The following CACNA1H variants were observed in gnomAD, a reference collection of about 807,000 sequenced individuals.
CACNA1H encodes calcium voltage-gated channel subunit alpha1 H.
CACNA1H carries 149 observed loss-of-function variants against 192.5 expected under a neutral mutation model. The observed-to-expected ratio is 0.77, with a 90% confidence interval of 0.68 to 0.89. The LOEUF (loss-of-function observed/expected upper bound fraction) is 0.89, where lower values mean the gene tolerates loss of function less well. CACNA1H is among the 40% of genes least tolerant of loss of function. CACNA1H has a pLI of 0.00. For synonymous variants in CACNA1H, 2,202 were observed against 1,475.2 expected (o/e 1.49, Z -11.29); for missense variants, 4,257 against 3,423.5 (o/e 1.24, Z -6.08).
At chr16:1,200,861 G>T in intron 8 of CACNA1H, 53 bp downstream of exon 8, 1 of 1,382,180 alleles carries the variant, frequency 7.2e-7, no homozygotes, top group Non-Finnish European at 1.0e-6. Context: ...TAGCTGGCTG[G>T]GGGTGGGGTG....
chr16:1,213,906 C>T lies in CACNA1H; in HGVS notation c.4904C>T (p.Ser1635Phe), dbSNP rs58146518. The change falls in exon 27 of 35, where the codon TCC becomes TTC. Residue 1635 changes from serine to phenylalanine, a missense_variant. Ser to Phe is a radical substitution (Grantham distance 155). Coordinates refer to ENST00000348261, the MANE Select transcript of CACNA1H (RefSeq NM_021098.3). ...ATCTGTGTCAACGTCATCACCATGT[C>T]CATGGAGCACTATAACCAACCCAAG... ...FIICVNVITM[S>F]MEHYNQPKSL... 2 of 1,611,632 alleles carry T rather than the reference C, an allele frequency of 1.2e-6. No homozygotes were observed. Among genetic ancestry groups the T allele is most frequent in the Non-Finnish European group, 1.7e-6 (2 of 1,179,326 alleles).
chr16:1,189,110 T>C (rs1966352032), intron 2 of CACNA1H, among the ~76,000 whole-genome samples: 1 of 152,188 alleles, frequency 6.6e-6, no homozygotes, highest in Non-Finnish European at 1.5e-5. Context: ...GGGCTGCCTT[T>C]GTTCCAGGGT....
At chr16:1,206,367 C>G (rs894163363) in intron 12 of CACNA1H, 78 bp downstream of exon 12, 2 of 1,400,628 alleles carry the variant, frequency 1.4e-6, no homozygotes, top group African/African-American at 1.4e-5. Flanking sequence ...GGGCACCCCC[C>G]GAAGGAGAAG....
intron 2 of CACNA1H, among the ~76,000 whole-genome samples, chr16:1,182,942 C>T (rs1169287878): frequency 6.6e-6 from 1 of 152,114 alleles, no homozygotes; most frequent in Non-Finnish European, 1.5e-5. Flanking sequence ...GGTCCATGGG[C>T]ACTGCAGGTT....
At position 1,167,199 on chromosome 16, in the gene CACNA1H, G is replaced by A. The variant is rs913541158; in HGVS notation, c.299+13163G>A. 1.3e-5 allele frequency among the ~76,000 whole-genome samples: 2 copies of A among 152,210 alleles called. No individual in the cohort carries two copies. The highest frequency in any genetic ancestry group is 6.5e-5 in the Admixed American group (1 of 15,292). ...GAAATGGCAGCCCCTGACCTGCCCC[G>A]TGGGGATGAAACGGGCTCTTTGCGG... On this transcript the variant is annotated intron_variant, in intron 2 of 34. Coordinates refer to ENST00000348261, the MANE Select transcript of CACNA1H (RefSeq NM_021098.3). This position sits in a 1 kb window ranked among gnomAD's most constrained non-coding sequence, Gnocchi z 4.2.
rs565753880 is a variant in CACNA1H, at chr16:1,172,896, G to A, written c.299+18860G>A. Among the ~76,000 whole-genome samples, 169 of 152,018 alleles carry A rather than the reference G, an allele frequency of 1.1e-3. 1 individual carries two copies. Among genetic ancestry groups the A allele is most frequent in the Middle Eastern group, 3.4e-3 (1 of 294 alleles). ...ATCAGGGCCAGGACAGCCCCGTGGGGACTCTCGCAGTCACTGGCCCTAAGC... is the reference window on the plus strand; with the variant it reads ...ATCAGGGCCAGGACAGCCCCGTGGGAACTCTCGCAGTCACTGGCCCTAAGC... On this transcript the variant is annotated intron_variant, in intron 2 of 34. Coordinates refer to ENST00000348261, the MANE Select transcript of CACNA1H (RefSeq NM_021098.3).
chr16:1,154,200 C>G (rs988622480), intron 2 of CACNA1H, among the ~76,000 whole-genome samples, 164 bp downstream of exon 2: 1 of 151,358 alleles, frequency 6.6e-6, no homozygotes. Context: ...GGACCGCGCT[C>G]TAATTTCTGA....
In CACNA1H at chr16:1,189,684, A is replaced by C. The variant is rs1209810971; in HGVS notation, c.300-5288A>C. Among the ~76,000 whole-genome samples the C allele has an allele frequency of 2.0e-5, 3 of 151,922 alleles. No individual in the cohort carries two copies. In the East Asian group the frequency reaches 5.8e-4, roughly 30 times the overall value. ...ATGATCCTCCTGCCTCAGCCTCCCA[A>C]AGTGCTGGGATTATGGGTGTGAACC... On this transcript the variant is annotated intron_variant, in intron 2 of 34. Transcript: ENST00000348261.
At position 1,209,117 on chromosome 16, in the gene CACNA1H, G is replaced by C; in HGVS notation, c.3449G>C (p.Arg1150Pro). 6.4e-7 allele frequency: 1 copy of C among 1,554,848 alleles called. No individual in the cohort carries two copies. The change falls in exon 17 of 35, where the codon CGT (arginine) becomes CCT (proline). Residue 1150 changes from arginine to proline, a missense_variant. Transcript: ENST00000348261. ...CGCTCCAGCTGGAGCAGCCTGGGCC[G>C]TGCCCCCAGCCTCAAGCGCCGCGGC... ...SRRSSWSSLGRAPSLKRRGQC... is the reference protein window; with the variant it reads ...SRRSSWSSLGPAPSLKRRGQC...
intron 2 of CACNA1H, among the ~76,000 whole-genome samples, chr16:1,166,652 G>C (rs911532642): frequency 6.6e-6 from 1 of 152,068 alleles, no homozygotes; most frequent in African/African-American, 2.4e-5. Context: ...CGTCTCCGAG[G>C]TTGGCCTGTT....
At chr16:1,208,332 G>A (rs1023790555) in intron 16 of CACNA1H, 111 bp downstream of exon 16, 1 of 747,178 alleles carries the variant, frequency 1.3e-6, no homozygotes, top group African/African-American at 1.8e-5. Context: ...CACCCTTGAA[G>A]TCCCAGCCTG....
intron 2 of CACNA1H, among the ~76,000 whole-genome samples, chr16:1,184,876 C>G (rs1256432127): frequency 1.3e-5 from 2 of 149,276 alleles, no homozygotes; most frequent in Non-Finnish European, 3.0e-5. Context: ...AAGTGAGGTT[C>G]ACGTACCATG....
rs1042386180 is a variant in CACNA1H, at chr16:1,201,900, A to G, written c.1450A>G (p.Ser484Gly). 27 of 1,550,706 alleles carry G rather than the reference A, an allele frequency of 1.7e-5. No individual in the cohort carries two copies. The highest frequency in any genetic ancestry group is 2.4e-5 in the Non-Finnish European group (27 of 1,147,236). ...CTTGCGCCTCTACGCCCGCTGGCAG[A>G]GCCGCTGGCGCAAGAAGGTGGACCC... ...RSLRLYARWQ[S>G]RWRKKVDPSA... The change falls in exon 9 of 35, where the codon AGC becomes GGC. Residue 484 changes from serine (S) to glycine (G), a missense_variant. Coordinates refer to ENST00000348261, the MANE Select transcript of CACNA1H (RefSeq NM_021098.3).
chr16:1,207,245 G>C, intron 13 of CACNA1H, 30 bp from the exon 14 acceptor site: 1 of 1,581,020 alleles, frequency 6.3e-7, no homozygotes, highest in Non-Finnish European at 8.6e-7. Flanking sequence ...GGGCTGGGGT[G>C]ACCACCCCAG....
intron 6 of CACNA1H, among the ~76,000 whole-genome samples, chr16:1,199,918 C>G (rs914488224): frequency 6.6e-6 from 1 of 152,110 alleles, no homozygotes. Context: ...TTGGGTCTCC[C>G]TCCCTGTTTG....
intron 2 of CACNA1H, among the ~76,000 whole-genome samples, chr16:1,189,318 G>A (rs1311504699): frequency 6.8e-6 from 1 of 147,384 alleles, no homozygotes; most frequent in East Asian, 2.1e-4. Context: ...CAGCCCCTCA[G>A]AAGTGCACAG....
Position 1,178,211 on chromosome 16 carries a change from G to A in CACNA1H, c.300-16761G>A, listed in dbSNP as rs569233181. Among the ~76,000 whole-genome samples, 594 of 102,534 alleles carry A rather than the reference G, an allele frequency of 5.8e-3. 7 individuals are homozygous for A. Among genetic ancestry groups the A allele is most frequent in the African/African-American group, 0.02 (533 of 26,138 alleles). 67.3% of individuals were successfully genotyped at this position (102,534 alleles called of 152,430 possible). A position where few individuals can be genotyped will look rare whatever the true frequency, so the allele number is the denominator to read the frequency against. On this transcript the variant is annotated intron_variant, in intron 2 of 34. Transcript: ENST00000348261. ...CATGGGGCACCTCATGGTCCCTCCCGGCTCTGCCTGGGATCCCCCAACGGG... is the reference window on the plus strand; with the variant it reads ...CATGGGGCACCTCATGGTCCCTCCCAGCTCTGCCTGGGATCCCCCAACGGG...
chr16:1,213,010 G>C (rs1247759522), intron 26 of CACNA1H, among the ~76,000 whole-genome samples: 1 of 152,246 alleles, frequency 6.6e-6, no homozygotes. Context: ...CCTGGGGTGT[G>C]GTGGCAGCTC....
At chr16:1,214,909 G>T (rs1344496180) in intron 27 of CACNA1H, 63 bp from the exon 28 acceptor site, 3 of 1,283,424 alleles carry the variant, frequency 2.3e-6, no homozygotes, top group Non-Finnish European at 2.2e-6. Context: ...GTGCAGAGTG[G>T]GAGCCAGGGG....
Sources: gnomAD v4.1 joint callset for allele counts (sites outside exome capture counted in the v4.1 genomes callset) on GRCh38, gnomAD v4.1.1 for gene constraint, Gnocchi (gnomAD v3.1) non-coding constraint, MANE v1.5 for transcripts, NCBI Gene and HGNC (gene_info 2026-07-23, HGNC 2026-07-21) for gene names.